STON2: variants seen among roughly 807,000 people sequenced by gnomAD.
STON2 encodes the protein stonin 2.
STON2 carries 29 observed loss-of-function variants against 65.7 expected under a neutral mutation model. The ratio of observed to expected loss-of-function variants is 0.44; its 90% CI spans 0.33 to 0.60. STON2 has a LOEUF of 0.60. Among genes scored for constraint, STON2 ranks in the 20% least tolerant of loss-of-function variants. The pLI, the probability that STON2 is intolerant of heterozygous loss-of-function variation, is 0.03. For missense variants in STON2, 1,054 were observed against 1,118.1 expected (o/e 0.94, Z 0.82); for synonymous variants, 404 against 414.2 (o/e 0.98, Z 0.30).
intron 5 of STON2, among the ~76,000 whole-genome samples, chr14:81,289,714 A>G (rs1895480205): frequency 6.6e-6 from 1 of 152,168 alleles, no homozygotes; most frequent in Admixed American, 6.5e-5. Context: ...GCACTGAATA[A>G]AAAGCAAGCA....
intron 5 of STON2, among the ~76,000 whole-genome samples, chr14:81,307,061 T>C (rs962706096): frequency 6.6e-6 from 1 of 152,216 alleles, no homozygotes; most frequent in Non-Finnish European, 1.5e-5. Context: ...CTCTGACTGT[T>C]ATAACTGGAA....
chr14:81,304,141 G>GT (rs1896078031), intron 5 of STON2, among the ~76,000 whole-genome samples: 1 of 151,998 alleles, frequency 6.6e-6, no homozygotes, highest in African/African-American at 2.4e-5. Flanking sequence ...GTTCTTTTAC[G>GT]TATCTCATCT....
chr14:81,339,599 C>T lies in STON2; in HGVS notation c.572-15412G>A, dbSNP rs140151059. On this transcript the variant is annotated intron_variant, in intron 4 of 7. Coordinates refer to ENST00000614646, the MANE Select transcript of STON2 (RefSeq NM_001394390.1). Reference sequence around the variant, plus strand: ...GTTCAGAGCCAAGAACAGCATAGCCCCTGTTCAATCTAATCTTCCTTTTCT... The same window carrying T: ...GTTCAGAGCCAAGAACAGCATAGCCTCTGTTCAATCTAATCTTCCTTTTCT... Among the ~76,000 whole-genome samples the T allele has an allele frequency of 3.1e-3, 465 of 152,232 alleles. 2 individuals are homozygous for T. The highest frequency in any genetic ancestry group is 3.5e-3 in the Non-Finnish European group (241 of 68,020).
In STON2 at chr14:81,330,543, C is replaced by T. The variant is rs59603345; in HGVS notation, c.572-6356G>A. On this transcript the variant is annotated intron_variant, in intron 4 of 7. Transcript: ENST00000614646. Reference sequence around the variant, plus strand: ...AAAAGAAGTGGGAAAAGCTGTCACACATATTTATTAAAAATGTATTTTTTA... The same window carrying T: ...AAAAGAAGTGGGAAAAGCTGTCACATATATTTATTAAAAATGTATTTTTTA... Among the ~76,000 whole-genome samples the T allele has an allele frequency of 9.8e-3, 1,491 of 152,132 alleles. 34 individuals carry two copies. Among genetic ancestry groups the T allele is most frequent in the African/African-American group, 0.034 (1,407 of 41,484 alleles).
At chr14:81,358,007 G>C (rs1898325953) in intron 4 of STON2, among the ~76,000 whole-genome samples, 1 of 151,234 alleles carries the variant, frequency 6.6e-6, no homozygotes, top group Non-Finnish European at 1.5e-5. Context: ...CCTGCACATT[G>C]TGCACATGTA....
intron 2 of STON2, among the ~76,000 whole-genome samples, chr14:81,407,248 AAAAG>A (rs1394431263): frequency 2.0e-5 from 3 of 152,178 alleles, no homozygotes; most frequent in African/African-American, 7.2e-5. Context: ...TTCACTTTTA[AAAAG>A]AGACTAGTTC....
rs553060255 is a variant in STON2, at chr14:81,413,522, G to A, written c.-199+13580C>T. ...TAAAAAATAAATCTGTTGGCCGGGC[G>A]CAGTGGCTCATGCCTGTAATCTCAG... On this transcript the variant is annotated intron_variant, in intron 2 of 8. Coordinates refer to the STON2 transcript ENST00000553821. Among the ~76,000 whole-genome samples the A allele has an allele frequency of 3.6e-5, 5 of 140,096 alleles. 1 individual carries two copies. Among genetic ancestry groups the A allele is most frequent in the African/African-American group, 1.5e-4 (5 of 34,212 alleles). The allele number at this position is 140,096 out of a possible 152,430, so 91.9% of individuals were successfully genotyped here.
intron 4 of STON2, among the ~76,000 whole-genome samples, chr14:81,364,919 G>A (rs533382855): frequency 1.4e-4 from 21 of 152,140 alleles, no homozygotes; most frequent in Non-Finnish European, 1.8e-4. Context: ...GAAGGACCCT[G>A]TATGGCAGAT....
intron 5 of STON2, among the ~76,000 whole-genome samples, chr14:81,299,777 T>C (rs1895897929): frequency 6.6e-6 from 1 of 152,034 alleles, no homozygotes; most frequent in African/African-American, 2.4e-5. Flanking sequence ...TAATAAAAGA[T>C]GTGTAAGGCC....
intron 6 of STON2, among the ~76,000 whole-genome samples, chr14:81,272,518 G>A (rs189991069): frequency 2.6e-5 from 4 of 152,290 alleles, no homozygotes; most frequent in African/African-American, 9.6e-5. Context: ...CAATCTCAGA[G>A]AGTAAGGACA....
chr14:81,334,511 A>T (rs1041060745), intron 4 of STON2, among the ~76,000 whole-genome samples: 60 of 152,122 alleles, frequency 3.9e-4, no homozygotes, highest in Admixed American at 3.3e-3. Flanking sequence ...CTGAAGGTGA[A>T]GAACTAGAAT....
At chr14:81,278,802 A>AG (rs1180364265) in intron 5 of STON2, 63 bp from the exon 6 acceptor site, 1 of 1,313,200 alleles carries the variant, frequency 7.6e-7, no homozygotes, top group African/African-American at 1.5e-5. Flanking sequence ...GGAAAACTGA[A>AG]GTATAGGAAT....
rs751356644 is a variant in STON2 at position 81,277,349 on chromosome 14, A to G, written c.2133T>C (p.Asp711=). ...GAATGACCCGTGAGTTGTGGAAAAC[A>G]TCCTCATCCACACACCCATGGAAAC... ...ECRFHGCVDE[D]VFHNSRVILF... is the part of the protein sequence containing the mutation. The change falls in exon 6 of 8, where the codon GAT becomes GAC. Residue 711 remains aspartate, a synonymous_variant. Coordinates refer to ENST00000614646, the MANE Select transcript of STON2 (RefSeq NM_001394390.1). 7.4e-6 allele frequency: 12 copies of G among 1,614,076 alleles called. No homozygotes were observed. Among genetic ancestry groups the G allele is most frequent in the Middle Eastern group, 1.6e-4 (1 of 6,084 alleles).
At chr14:81,418,516 T>G (rs985330158) in intron 2 of STON2, among the ~76,000 whole-genome samples, 1 of 152,152 alleles carries the variant, frequency 6.6e-6, no homozygotes, top group African/African-American at 2.4e-5. Context: ...TAAACCCAGA[T>G]TACAGTTTAA....
At chr14:81,413,538 G>T (rs780608853) in intron 2 of STON2, among the ~76,000 whole-genome samples, 25 of 140,074 alleles carry the variant, frequency 1.8e-4, no homozygotes, top group Middle Eastern at 7.1e-3. Flanking sequence ...GCTCATGCCT[G>T]TAATCTCAGC....
chr14:81,411,700 G>C (rs1300101238), intron 2 of STON2, among the ~76,000 whole-genome samples: 1 of 152,200 alleles, frequency 6.6e-6, no homozygotes, highest in South Asian at 2.1e-4. Context: ...TTTGCAACAG[G>C]AGTGAAACTC....
At chr14:81,413,968 T>C (rs1341360083) in intron 2 of STON2, among the ~76,000 whole-genome samples, 1 of 139,038 alleles carries the variant, frequency 7.2e-6, no homozygotes, top group Non-Finnish European at 1.5e-5. Flanking sequence ...TTTATTTCTT[T>C]ATAAAGAAAA....
At chr14:81,376,307 A>G (rs1899249125) in intron 3 of STON2, among the ~76,000 whole-genome samples, 1 of 152,024 alleles carries the variant, frequency 6.6e-6, no homozygotes, top group Admixed American at 6.6e-5. Context: ...CACAATTACA[A>G]ATACTATATT....
chr14:81,300,563 T>C (rs1895933623), intron 5 of STON2, among the ~76,000 whole-genome samples: 1 of 152,084 alleles, frequency 6.6e-6, no homozygotes, highest in Admixed American at 6.6e-5. Flanking sequence ...AACGAAACTA[T>C]ATAAATGGCT....
Sources: gnomAD v4.1 joint callset for allele counts (sites outside exome capture counted in the v4.1 genomes callset) on GRCh38, gnomAD v4.1.1 for gene constraint, MANE v1.5 for transcripts, NCBI Gene and HGNC (gene_info 2026-07-23, HGNC 2026-07-21) for gene names.